ELF1: variants seen among roughly 807,000 people sequenced by gnomAD.
ELF1 encodes the protein ETS-related transcription factor Elf-1.
In ELF1, 24 loss-of-function variants were observed where a neutral mutation model predicts 59.9. The ratio of observed to expected loss-of-function variants is 0.40; its 90% confidence interval spans 0.29 to 0.56. The LOEUF (loss-of-function observed/expected upper bound fraction) is 0.56, where lower values mean the gene tolerates loss of function less well. ELF1 is among the 20% of genes least tolerant of loss of function. The probability of loss-of-function intolerance (pLI) is 0.44; values close to 1 mark genes in which losing one functional copy is unlikely to be tolerated. For synonymous variants in ELF1, 248 were observed against 266.2 expected, an observed-to-expected ratio of 0.93 and a Z score of 0.67; for missense variants, 627 against 742.2, an observed-to-expected ratio of 0.84 and a Z score of 1.80.
At chr13:41,040,882 T>C (rs913898129) in intron 1 of ELF1, among the ~76,000 whole-genome samples, 11 of 152,192 alleles carry the variant, frequency 7.2e-5, no homozygotes, top group African/African-American at 2.7e-4. Context: ...AAGTAGTTAC[T>C]ATGAGCCAAG....
chr13:40,983,349 T>C (rs1259036001), intron 1 of ELF1, among the ~76,000 whole-genome samples: 1 of 152,218 alleles, frequency 6.6e-6, no homozygotes, highest in Non-Finnish European at 1.5e-5. Context: ...GGGATGAAGC[T>C]GATCTAGTGA....
intron 8 of ELF1, among the ~76,000 whole-genome samples, chr13:40,940,386 GAAAAAAAAAAAAA>G (rs375400990): frequency 4.7e-4 from 52 of 109,880 alleles, no homozygotes; most frequent in African/African-American, 2.0e-3. Context: ...TGATTTAACT[GAAAAAAAAAAAAA>G]AAAAAAAAAA....
At chr13:40,965,810 A>G (rs1399904893) in intron 2 of ELF1, among the ~76,000 whole-genome samples, 5 of 152,250 alleles carry the variant, frequency 3.3e-5, no homozygotes, top group Non-Finnish European at 5.9e-5. Flanking sequence ...AAATCTAATT[A>G]AATTCTACTG....
chr13:41,043,445 A>C (rs1400426945), intron 1 of ELF1, among the ~76,000 whole-genome samples: 1 of 152,192 alleles, frequency 6.6e-6, no homozygotes, highest in East Asian at 1.9e-4. Context: ...TAGGTCTAAC[A>C]TTTAAGTCTT....
intron 3 of ELF1, among the ~76,000 whole-genome samples, chr13:40,953,783 C>T (rs1340476526): frequency 6.6e-6 from 1 of 152,186 alleles, no homozygotes; most frequent in Non-Finnish European, 1.5e-5. Flanking sequence ...TTACAAGGTT[C>T]TTCCCTTTTT....
chr13:40,980,601 C>T (rs942918088), intron 2 of ELF1, among the ~76,000 whole-genome samples: 2 of 152,018 alleles, frequency 1.3e-5, no homozygotes, highest in African/African-American at 4.8e-5. Context: ...GTGTCAAATC[C>T]ACTATAACTA....
chr13:40,954,620 G>A lies in ELF1; in HGVS notation c.254-3184C>T, dbSNP rs567865552. ...GCGCCGCCACGCCTGACTGGTTTTCGTATTTTTTTGGTGGAGGCGGGGTTT... is the reference window on the plus strand; with the variant it reads ...GCGCCGCCACGCCTGACTGGTTTTCATATTTTTTTGGTGGAGGCGGGGTTT... On this transcript the variant is annotated intron_variant, in intron 3 of 8. Transcript: ENST00000239882. Among the ~76,000 whole-genome samples, 12 of 152,318 alleles carry A rather than the reference G, an allele frequency of 7.9e-5. No homozygotes were observed. The East Asian group carries it at 1.2e-3, about 15-fold the overall frequency.
Position 40,933,361 on chromosome 13 carries a change from C to T in ELF1, c.*64G>A, listed in dbSNP as rs1869534059. 1.3e-6 allele frequency: 2 copies of T among 1,522,498 alleles called. No homozygotes were observed. The highest frequency in any genetic ancestry group is 2.8e-5 in the African/African-American group (2 of 71,870). 94.3% of individuals were successfully genotyped at this position (1,522,498 alleles called of 1,614,324 possible). On this transcript the variant is annotated 3_prime_UTR_variant, in exon 9 of 9. Coordinates refer to ENST00000239882, the MANE Select transcript of ELF1 (RefSeq NM_172373.4). ...CCTTAGAATTTATCTTAGAATCAGT[C>T]AGTCTGCATATAATTGAAAATGTTC...
rs1221787504 is a variant in ELF1, at chr13:40,933,700, T to A, written c.1585A>T (p.Ser529Cys). Residue 529 changes from serine (S) to cysteine (C), a missense_variant, in exon 9 of 9, where the codon AGT (serine) becomes TGT (cysteine). Coordinates refer to ENST00000239882, the MANE Select transcript of ELF1 (RefSeq NM_172373.4). ...TVSVASSPSF[S>C]ATAPVVTFSP... ...AAGGTCACCACAGGTGCAGTAGCAC[T>A]GAAGGATGGAGAGGAAGCCACACTG... 4 of 1,614,168 alleles carry A rather than the reference T, an allele frequency of 2.5e-6. No individual in the cohort carries two copies. The highest frequency in any genetic ancestry group is 3.4e-6 in the Non-Finnish European group (4 of 1,180,062).
intron 1 of ELF1, among the ~76,000 whole-genome samples, chr13:41,043,796 G>A (rs1008790831): frequency 3.3e-5 from 5 of 152,220 alleles, no homozygotes; most frequent in Admixed American, 2.6e-4. Context: ...CTCTTTTTTG[G>A]TACCATATGA....
chr13:40,967,408 G>T lies in ELF1; in HGVS notation c.73-8392C>A, dbSNP rs1872247852. Among the ~76,000 whole-genome samples, 3 of 152,160 alleles carry T rather than the reference G, an allele frequency of 2.0e-5. 1 individual carries two copies. In the South Asian group the frequency reaches 6.2e-4, roughly 32 times the overall value. On this transcript the variant is annotated intron_variant, in intron 2 of 8. Transcript: ENST00000239882. The stretch of plus-strand genomic sequence containing the variant: ...TAGTTCCTACATCTATTCAAAATAA[G>T]AATAATAGTATCTTCTGGAATTGTT...
chr13:41,047,299 A>G (rs1438794785), intron 1 of ELF1, among the ~76,000 whole-genome samples: 1 of 152,240 alleles, frequency 6.6e-6, no homozygotes, highest in African/African-American at 2.4e-5. Context: ...TTCTCCGTCC[A>G]GCTTTGTTCC....
At chr13:40,953,984 G>A (rs537129447) in intron 3 of ELF1, among the ~76,000 whole-genome samples, 68 of 152,284 alleles carry the variant, frequency 4.5e-4, no homozygotes, top group African/African-American at 1.4e-3. Context: ...TACAAAGACT[G>A]TAGCCTTACC....
intron 1 of ELF1, among the ~76,000 whole-genome samples, chr13:41,017,113 AAAC>A (rs1437453632): frequency 6.6e-6 from 1 of 151,120 alleles, no homozygotes; most frequent in East Asian, 1.9e-4. Flanking sequence ...TAACAGTGAA[AAAC>A]AAAAAGTTGT....
At chr13:41,029,752 A>G (rs1246874755) in intron 1 of ELF1, among the ~76,000 whole-genome samples, 1 of 152,220 alleles carries the variant, frequency 6.6e-6, no homozygotes, top group East Asian at 1.9e-4. Context: ...GGCACCATCA[A>G]TTGGCTAAGG....
At chr13:41,044,447 A>G (rs947631927) in intron 1 of ELF1, among the ~76,000 whole-genome samples, 2 of 152,152 alleles carry the variant, frequency 1.3e-5, no homozygotes, top group African/African-American at 4.8e-5. Context: ...AATAGCTCTT[A>G]CTATTTTGAG....
intron 1 of ELF1, among the ~76,000 whole-genome samples, chr13:41,007,850 G>A (rs1190642820): frequency 1.3e-5 from 2 of 152,126 alleles, no homozygotes; most frequent in African/African-American, 4.8e-5. Context: ...CTTTCAGGGG[G>A]CTCCTGAGAT....
intron 1 of ELF1, among the ~76,000 whole-genome samples, chr13:41,053,399 G>T (rs1459170483): frequency 2.6e-5 from 4 of 151,964 alleles, no homozygotes; most frequent in Non-Finnish European, 5.9e-5. Flanking sequence ...TTGACCATTA[G>T]TACATTACCA....
intron 1 of ELF1, among the ~76,000 whole-genome samples, chr13:41,001,807 C>G (rs925311131): frequency 4.6e-5 from 7 of 152,002 alleles, no homozygotes; most frequent in Non-Finnish European, 1.0e-4. Context: ...TTGCCGTGCA[C>G]TGTGATCACA....
Sources: gnomAD v4.1 joint callset for allele counts (sites outside exome capture counted in the v4.1 genomes callset) on GRCh38, gnomAD v4.1.1 for gene constraint, MANE v1.5 for transcripts, NCBI Gene and HGNC (gene_info 2026-07-23, HGNC 2026-07-21) for gene names.